The following DYNC2LI1 variants were observed in gnomAD, a reference collection of about 807,000 sequenced individuals.
The protein encoded by DYNC2LI1 is cytoplasmic dynein 2 light intermediate chain 1.
Under a neutral mutation model 51.9 loss-of-function variants are expected in DYNC2LI1, and 45 were observed. The observed-to-expected ratio is 0.87, with a 90% CI of 0.68 to 1.11. DYNC2LI1 has a LOEUF of 1.11. DYNC2LI1 is among the 50% of genes most tolerant of loss of function. The pLI is 0.00. For missense variants in DYNC2LI1, 490 were observed against 417.4 expected, an observed-to-expected ratio of 1.17 and a Z score of -1.51; for synonymous variants, 130 against 137.8, an observed-to-expected ratio of 0.94 and a Z score of 0.40.
chr2:43,805,838 G>T (rs1666231971), intron 12 of DYNC2LI1, among the ~76,000 whole-genome samples: 1 of 151,788 alleles, frequency 6.6e-6, no homozygotes, highest in Non-Finnish European at 1.5e-5. Context: ...GTTAAGAGTT[G>T]GCAAATTCAC....
rs147652126 is a variant in DYNC2LI1, at chr2:43,786,462, G to A, written c.162-719G>A. Among the ~76,000 whole-genome samples, 999 of 152,130 alleles carry A rather than the reference G, an allele frequency of 6.6e-3. 10 individuals are homozygous for A. The highest frequency in any genetic ancestry group is 0.023 in the African/African-American group (943 of 41,510). ...CTCCCAAAGTGCTAGGATTACAGGC[G>A]TGAGCTACCATGCCTGGCCAAGTCT... On this transcript the variant is annotated intron_variant, in intron 3 of 12. Transcript: ENST00000260605.
intron 8 of DYNC2LI1, 67 bp from the exon 9 acceptor site, chr2:43,800,774 A>G (rs1482938240): frequency 4.8e-6 from 4 of 841,838 alleles, no homozygotes; most frequent in Non-Finnish European, 5.6e-6. Context: ...TCAAAGCCAT[A>G]TTTATTTTAC....
chr2:43,807,760 AAAAAAAAAAAAAAG>A (rs1666320650), intron 12 of DYNC2LI1, among the ~76,000 whole-genome samples: 1 of 148,596 alleles, frequency 6.7e-6, no homozygotes, highest in African/African-American at 2.6e-5. Flanking sequence ...AAAAAAAAAA[AAAAAAAAAAAAAAG>A]GTTACAGTTA....
At chr2:43,821,667 G>A in the DYNC2LI1 span, among the ~76,000 whole-genome samples, 33 of 152,192 alleles carry the variant, frequency 2.2e-4, no homozygotes, top group African/African-American at 7.2e-4. Context: ...CTGCCACTTT[G>A]CCTCAGCTGG....
Position 43,787,172 on chromosome 2 carries a change from A to G in DYNC2LI1, c.162-9A>G, listed in dbSNP as rs772613516. On this transcript the variant is annotated splice_polypyrimidine_tract_variant and intron_variant, in intron 3 of 12. Coordinates refer to ENST00000260605, the MANE Select transcript of DYNC2LI1 (RefSeq NM_016008.4). The stretch of plus-strand genomic sequence containing the variant: ...TACAATGATAATACTATCGGCCTTT[A>G]TTATACAGAGATGAACCACCAAAAC... The G allele has an allele frequency of 1.2e-6, 2 of 1,608,656 alleles. No individual in the cohort carries two copies. The highest frequency in any genetic ancestry group is 8.5e-7 in the Non-Finnish European group (1 of 1,175,526).
the DYNC2LI1 span, among the ~76,000 whole-genome samples, chr2:43,818,673 A>G: frequency 6.6e-6 from 1 of 152,142 alleles, no homozygotes; most frequent in African/African-American, 2.4e-5. Context: ...AATATTAACA[A>G]TCCACTTAAG....
downstream of DYNC2LI1, chr2:43,814,737 T>C (rs1179750419): frequency 8.5e-6 from 5 of 586,908 alleles, no homozygotes; most frequent in East Asian, 1.4e-4. Context: ...AAAAAAACCT[T>C]CAAACAACAT....
chr2:43,777,723 C>T (rs1242579118), intron 2 of DYNC2LI1, among the ~76,000 whole-genome samples: 1 of 152,210 alleles, frequency 6.6e-6, no homozygotes, highest in Non-Finnish European at 1.5e-5. Context: ...ACGTCAGCGC[C>T]CAGGCAGCCT....
At chr2:43,805,931 G>C (rs1666237157) in intron 12 of DYNC2LI1, among the ~76,000 whole-genome samples, 1 of 151,502 alleles carries the variant, frequency 6.6e-6, no homozygotes, top group South Asian at 2.1e-4. Flanking sequence ...GCCCAGGCTG[G>C]AGTGCAGTGG....
chr2:43,811,117 A>G (rs901553320), downstream of DYNC2LI1, among the ~76,000 whole-genome samples: 5 of 152,192 alleles, frequency 3.3e-5, no homozygotes, highest in Admixed American at 1.3e-4. Flanking sequence ...TTGTACACCC[A>G]TATCTTTAGT....
chr2:43,822,760 G>T, the DYNC2LI1 span: 5 of 1,613,828 alleles, frequency 3.1e-6, no homozygotes, highest in Non-Finnish European at 4.2e-6. Context: ...ATGACTCCAT[G>T]GGAGCCCGGC....
chr2:43,774,298 A>C lies in DYNC2LI1; in HGVS notation c.8+152A>C, dbSNP rs961092886. 10 of 1,020,504 alleles carry C rather than the reference A, an allele frequency of 9.8e-6. No individual in the cohort carries two copies. The African/African-American group carries it at 1.5e-4, about 15-fold the overall frequency. The allele number at this position is 1,020,504 out of a possible 1,614,324, so 63.2% of individuals were successfully genotyped here. A position where few individuals can be genotyped will look rare whatever the true frequency, so the allele number is the denominator to read the frequency against. The stretch of plus-strand genomic sequence containing the variant: ...GGGGACCTAGGAATCAGCCTTGAGC[A>C]TAAAGATTCTGCCGCAAACAGGAAA... On this transcript the variant is annotated intron_variant, in intron 1 of 12. Coordinates refer to ENST00000260605, the MANE Select transcript of DYNC2LI1 (RefSeq NM_016008.4).
downstream of DYNC2LI1, among the ~76,000 whole-genome samples, chr2:43,813,750 C>T (rs1177280217): frequency 9.9e-6 from 1 of 101,158 alleles, no homozygotes; most frequent in Non-Finnish European, 1.8e-5. Context: ...CACAGTTTCA[C>T]TCTGCCGCCC....
intron 8 of DYNC2LI1, among the ~76,000 whole-genome samples, chr2:43,799,212 C>T (rs144494452): frequency 1.3e-3 from 195 of 152,126 alleles, no homozygotes; most frequent in Non-Finnish European, 2.3e-3. Flanking sequence ...GAGGCAGGGA[C>T]GATTGCCTGA....
chr2:43,827,768 T>A, the DYNC2LI1 span, among the ~76,000 whole-genome samples: 1 of 152,084 alleles, frequency 6.6e-6, no homozygotes, highest in African/African-American at 2.4e-5. Flanking sequence ...CGCTTCCGGG[T>A]CCAGGAGCTG....
At chr2:43,809,680 A>G (rs765386214) in intron 12 of DYNC2LI1, 25 bp from the exon 13 acceptor site, 1 of 1,569,598 alleles carries the variant, frequency 6.4e-7, no homozygotes, top group Admixed American at 1.8e-5. Flanking sequence ...GATTTTTCTT[A>G]AAGTGATACA....
rs538768599 is a variant in DYNC2LI1 at position 43,780,058 on chromosome 2, G to A, written c.126+3159G>A. Among the ~76,000 whole-genome samples, 5 of 152,322 alleles carry A rather than the reference G, an allele frequency of 3.3e-5. No individual in the cohort carries two copies. The East Asian group carries it at 9.6e-4, about 29-fold the overall frequency. On this transcript the variant is annotated intron_variant, in intron 2 of 12. Transcript: ENST00000260605. ...TGGAAAAGGAGAAAAGTGAAGGTAG[G>A]AAGAGGCTGATGGAGTAGGAGCGAC...
chr2:43,775,614 C>T (rs1307313650), intron 1 of DYNC2LI1: 1 of 303,086 alleles, frequency 3.3e-6, no homozygotes, highest in South Asian at 2.7e-5. Flanking sequence ...CCTCCTGCCT[C>T]AGCCTCCCTA....
chr2:43,788,380 G>A (rs150583365), intron 4 of DYNC2LI1, among the ~76,000 whole-genome samples: 19 of 152,258 alleles, frequency 1.2e-4, no homozygotes, highest in Admixed American at 1.2e-3. Flanking sequence ...GAGCAGATAC[G>A]TAAAAACTTG....
Sources: gnomAD v4.1 joint callset for allele counts (sites outside exome capture counted in the v4.1 genomes callset) on GRCh38, gnomAD v4.1.1 for gene constraint, MANE v1.5 for transcripts, NCBI Gene and HGNC (gene_info 2026-07-23, HGNC 2026-07-21) for gene names.